Variants in SMCR8 observed in about 807,000 individuals in gnomAD.
SMCR8 encodes SMCR8-C9orf72 complex subunit, also known as guanine nucleotide exchange protein SMCR8.
In SMCR8, 30 loss-of-function variants were observed where a neutral mutation model predicts 56.6. The observed-to-expected ratio is 0.53, with a 90% CI of 0.40 to 0.72. The LOEUF is 0.72. Among genes scored for constraint, SMCR8 ranks in the 30% least tolerant of loss-of-function variants. The pLI is 0.00. For missense variants in SMCR8, 1,198 were observed against 1,157.0 expected (o/e 1.04, Z -0.51); for synonymous variants, 538 against 456.0 (o/e 1.18, Z -2.29).
At chr17:18,318,621 C>G (rs1982406621) in intron 1 of SMCR8, among the ~76,000 whole-genome samples, 1 of 152,162 alleles carries the variant, frequency 6.6e-6, no homozygotes, top group Non-Finnish European at 1.5e-5. Context: ...CCAGGCTGGT[C>G]TGGAACTCCT....
Position 18,327,575 on chromosome 17 carries a change from C to T in SMCR8, c.*4505C>T, listed in dbSNP as rs1982711588. On this transcript the variant is annotated 3_prime_UTR_variant, in exon 2 of 2. Transcript: ENST00000406438. ...AAGGTGGGACCACAGGCTGCCTCAC[C>T]GGGATTGTCTGCCACTAAATAGCTG... 3 of 152,342 alleles carry T rather than the reference C, an allele frequency of 2.0e-5. No individual in the cohort carries two copies. The highest frequency in any genetic ancestry group is 2.1e-4 in the South Asian group (1 of 4,832). The allele number at this position is 152,342 out of a possible 1,614,324, so 9.4% of individuals were successfully genotyped here. A position where few individuals can be genotyped will look rare whatever the true frequency, so the allele number is the denominator to read the frequency against.
Position 18,315,659 on chromosome 17 carries a change from C to T in SMCR8, c.-131C>T. ...GGTGTGTGAGAAGCAGCCTAGGACC[C>T]CGGGTTCGGGGAGTCGCAAAGAAGG... On this transcript the variant is annotated 5_prime_UTR_variant, in exon 1 of 2. Transcript: ENST00000406438. 2.4e-6 allele frequency: 2 copies of T among 843,884 alleles called. No homozygotes were observed. Among genetic ancestry groups the T allele is most frequent in the Admixed American group, 2.4e-5 (1 of 41,396 alleles). The allele number at this position is 843,884 out of a possible 1,614,324, so 52.3% of individuals were successfully genotyped here. A position where few individuals can be genotyped will look rare whatever the true frequency, so the allele number is the denominator to read the frequency against.
At chr17:18,319,705 T>A (rs928837676) in intron 1 of SMCR8, among the ~76,000 whole-genome samples, 1 of 152,090 alleles carries the variant, frequency 6.6e-6, no homozygotes, top group South Asian at 2.1e-4. Context: ...GCGGGTTTTT[T>A]TGTTTTGTGT....
rs1982627199 is a variant in SMCR8 at position 18,325,601 on chromosome 17, A to AC, written c.*2532dup. ...TATGTTTCCTTTCAAAGGGATCTTGACGTGGTACCAGGACTGAGTCATGAT... is the reference window on the plus strand; with the variant it reads ...TATGTTTCCTTTCAAAGGGATCTTGACCGTGGTACCAGGACTGAGTCATGAT... On this transcript the variant is annotated 3_prime_UTR_variant, in exon 2 of 2. Transcript: ENST00000406438. 6.6e-6 allele frequency: 1 copy of AC among 152,212 alleles called. No individual in the cohort carries two copies. The highest frequency in any genetic ancestry group is 1.5e-5 in the Non-Finnish European group (1 of 68,048). 9.4% of individuals were successfully genotyped at this position (152,212 alleles called of 1,614,324 possible). A position where few individuals can be genotyped will look rare whatever the true frequency, so the allele number is the denominator to read the frequency against.
Position 18,318,025 on chromosome 17 carries a change from C to T in SMCR8, c.2236C>T (p.Leu746Phe). The change falls in exon 1 of 2, where the codon CTC (leucine) becomes TTC (phenylalanine). Residue 746 changes from leucine (L) to phenylalanine (F), a missense_variant. Physicochemically the swap from Leu to Phe is conservative, Grantham distance 22 (BLOSUM62 0). Coordinates refer to ENST00000406438, the MANE Select transcript of SMCR8 (RefSeq NM_144775.3). ...GGAAGATGAGGCCATAGTCAGGAAA[C>T]TCGTGACTGCACTGGCTATCTTTGT... ...LGEDEAIVRK[L>F]VTALAIFVPS... The T allele has an allele frequency of 1.2e-6, 2 of 1,614,248 alleles. No individual in the cohort carries two copies. The highest frequency in any genetic ancestry group is 2.2e-5 in the South Asian group (2 of 91,086).
rs751428625 is a variant in SMCR8, at chr17:18,318,047, T to G, written c.2258T>G (p.Phe753Cys). Residue 753 changes from phenylalanine (F) to cysteine (C), a missense_variant, in exon 1 of 2, where the codon TTT becomes TGT. Physicochemically the swap from Phe to Cys is radical, Grantham distance 205. Transcript: ENST00000406438. ...VRKLVTALAI[F>C]VPSYGCYAKP... ...AAACTCGTGACTGCACTGGCTATCT[T>G]TGTCCCCAGCTATGGCTGCTACGCT... 7 of 1,614,132 alleles carry G rather than the reference T, an allele frequency of 4.3e-6. No individual in the cohort carries two copies. The highest frequency in any genetic ancestry group is 1.7e-6 in the Non-Finnish European group (2 of 1,180,062).
At position 18,316,879 on chromosome 17, in the gene SMCR8, C is replaced by T. The variant is rs1982317385; in HGVS notation, c.1090C>T (p.Gln364Ter). 3 of 1,614,112 alleles carry T rather than the reference C, an allele frequency of 1.9e-6. No individual in the cohort carries two copies. The highest frequency in any genetic ancestry group is 1.1e-5 in the South Asian group (1 of 91,096). ...TCAGATTGATAGAGCACTTCTAAAACAACAGCATATAACAAACTTTCTCTT... is the reference window on the plus strand; with the variant it reads ...TCAGATTGATAGAGCACTTCTAAAATAACAGCATATAACAAACTTTCTCTT... ...TSQIDRALLKQQHITNFLFED... is the reference protein window; with the variant it reads ...TSQIDRALLK The change falls in exon 1 of 2, where the codon CAA becomes TAA. Residue 364 changes from glutamine to a stop codon, truncating the protein, a stop_gained. Transcript: ENST00000406438. LOFTEE classifies it high-confidence loss of function.
Position 18,323,015 on chromosome 17 carries a change from C to T in SMCR8, c.2759C>T (p.Thr920Ile), listed in dbSNP as rs1321077262. 1.2e-6 allele frequency: 2 copies of T among 1,614,034 alleles called. No individual in the cohort carries two copies. Among genetic ancestry groups the T allele is most frequent in the African/African-American group, 2.7e-5 (2 of 74,918 alleles). ...CACTACATGCAGGAATCTCCAGGGACCAGCCACCCCATGCTCAGGTTTGAC... is the reference window on the plus strand; with the variant it reads ...CACTACATGCAGGAATCTCCAGGGATCAGCCACCCCATGCTCAGGTTTGAC... ...KLHYMQESPG[T>I]SHPMLRFDYV... The change falls in exon 2 of 2, where the codon ACC (threonine) becomes ATC (isoleucine). Residue 920 changes from threonine (T) to isoleucine (I), a missense_variant. By Grantham distance (89) the Thr-to-Ile change is moderately conservative. Coordinates refer to ENST00000406438, the MANE Select transcript of SMCR8 (RefSeq NM_144775.3).
In SMCR8 at chr17:18,315,450, GC is replaced by G. The variant is rs1396692969; in HGVS notation, c.-339del. On this transcript the variant is annotated 5_prime_UTR_variant, in exon 1 of 2. Coordinates refer to ENST00000406438, the MANE Select transcript of SMCR8 (RefSeq NM_144775.3). The stretch of plus-strand genomic sequence containing the variant: ...GCGTTAAGCCTTGTTCAGAGCGGGG[GC>G]TTTTGCTGTCGCAGTGGGTTCCGGA... The G allele has an allele frequency of 4.4e-6, 1 of 225,314 alleles. No individual in the cohort carries two copies. The highest frequency in any genetic ancestry group is 8.8e-6 in the Non-Finnish European group (1 of 113,136). 14.0% of individuals were successfully genotyped at this position (225,314 alleles called of 1,614,324 possible).
intron 1 of SMCR8, among the ~76,000 whole-genome samples, chr17:18,321,266 G>A (rs1982488511): frequency 6.6e-6 from 1 of 152,236 alleles, no homozygotes; most frequent in Non-Finnish European, 1.5e-5. Context: ...CTTCAGGAGG[G>A]TGTTTAAGGA....
rs1273822230 is a variant in SMCR8, at chr17:18,327,918, T to TA, written c.*4849dup. ...TATTTGAGTTCAAATATTTTTGAAATATAAAAATTGGTTGTATTTTTTAAA... is the reference window on the plus strand; with the variant it reads ...TATTTGAGTTCAAATATTTTTGAAATAATAAAAATTGGTTGTATTTTTTAAA... On this transcript the variant is annotated 3_prime_UTR_variant, in exon 2 of 2. Transcript: ENST00000406438. 6.6e-6 allele frequency: 1 copy of TA among 152,654 alleles called. No individual in the cohort carries two copies. Among genetic ancestry groups the TA allele is most frequent in the Non-Finnish European group, 1.5e-5 (1 of 68,042 alleles). The allele number at this position is 152,654 out of a possible 1,614,324, so 9.5% of individuals were successfully genotyped here.
rs751581106 is a variant in SMCR8 at position 18,316,274 on chromosome 17, A to G, written c.485A>G (p.Gln162Arg). The G allele has an allele frequency of 1.9e-6, 3 of 1,613,864 alleles. No individual in the cohort carries two copies. Among genetic ancestry groups the G allele is most frequent in the South Asian group, 1.1e-5 (1 of 91,084 alleles). Residue 162 changes from glutamine to arginine, a missense_variant, in exon 1 of 2, where the codon CAG becomes CGG. By Grantham distance (43) the Gln-to-Arg change is conservative. Coordinates refer to ENST00000406438, the MANE Select transcript of SMCR8 (RefSeq NM_144775.3). ...PFCMAYISAD[Q>R]HKIMQQFQEL... ...TGCATGGCTTATATCTCTGCAGACCAGCATAAAATCATGCAGCAGTTCCAG... is the reference window on the plus strand; with the variant it reads ...TGCATGGCTTATATCTCTGCAGACCGGCATAAAATCATGCAGCAGTTCCAG...
chr17:18,315,841 G>A lies in SMCR8; in HGVS notation c.52G>A (p.Glu18Lys), dbSNP rs781414587. ...CTTCACCAAAGAGGAAGAGTATGAAGAAGAGCCTTACAATGAGCCGGCCCT... is the reference window on the plus strand; with the variant it reads ...CTTCACCAAAGAGGAAGAGTATGAAAAAGAGCCTTACAATGAGCCGGCCCT... ...VAFTKEEEYE[E>K]EPYNEPALPE... The change falls in exon 1 of 2, where the codon GAA becomes AAA. Residue 18 changes from glutamate (E) to lysine (K), a missense_variant. Transcript: ENST00000406438. 1.2e-6 allele frequency: 2 copies of A among 1,612,598 alleles called. No homozygotes were observed. Among genetic ancestry groups the A allele is most frequent in the Non-Finnish European group, 1.7e-6 (2 of 1,178,746 alleles).
In SMCR8 at chr17:18,315,851, A is replaced by T. The variant is rs1463348649; in HGVS notation, c.62A>T (p.Tyr21Phe). ...GAGGAAGAGTATGAAGAAGAGCCTTACAATGAGCCGGCCCTGCCTGAGGAG... is the reference window on the plus strand; with the variant it reads ...GAGGAAGAGTATGAAGAAGAGCCTTTCAATGAGCCGGCCCTGCCTGAGGAG... ...TKEEEYEEEP[Y>F]NEPALPEEYS... Residue 21 changes from tyrosine (Y) to phenylalanine (F), a missense_variant, in exon 1 of 2, where the codon TAC becomes TTC. By Grantham distance (22) the Tyr-to-Phe change is conservative. Transcript: ENST00000406438. The T allele has an allele frequency of 6.2e-7, 1 of 1,613,670 alleles. No homozygotes were observed. The highest frequency in any genetic ancestry group is 8.5e-7 in the Non-Finnish European group (1 of 1,179,736).
In SMCR8 at chr17:18,315,761, C is replaced by T. The variant is rs1282890048; in HGVS notation, c.-29C>T. ...AACACCGCATTCTTTCCCACTTCCT[C>T]TCAATGTTTTCTTCATATATCTGGA... is the stretch of plus-strand genomic sequence containing the variant. On this transcript the variant is annotated 5_prime_UTR_variant, in exon 1 of 2. Coordinates refer to ENST00000406438, the MANE Select transcript of SMCR8 (RefSeq NM_144775.3). 5 of 1,547,632 alleles carry T rather than the reference C, an allele frequency of 3.2e-6. No homozygotes were observed. Among genetic ancestry groups the T allele is most frequent in the Non-Finnish European group, 4.4e-6 (5 of 1,145,032 alleles).
Position 18,322,597 on chromosome 17 carries a change from C to T in SMCR8, c.2361-20C>T, listed in dbSNP as rs776405182. 4.4e-6 allele frequency: 7 copies of T among 1,607,828 alleles called. No individual in the cohort carries two copies. In the South Asian group the frequency reaches 6.6e-5, roughly 15 times the overall value. ...TCCCGGCCCTTGCCCTTCCTCCTGA[C>T]CTTGGCCTGTCTGTTTCAGAGTGGC... On this transcript the variant is annotated intron_variant, in intron 1 of 1. Coordinates refer to ENST00000406438, the MANE Select transcript of SMCR8 (RefSeq NM_144775.3).
Position 18,317,835 on chromosome 17 carries a change from G to C in SMCR8, c.2046G>C (p.Ala682=), listed in dbSNP as rs527466079. 6 of 1,614,114 alleles carry C rather than the reference G, an allele frequency of 3.7e-6. No homozygotes were observed. The highest frequency in any genetic ancestry group is 5.1e-6 in the Non-Finnish European group (6 of 1,180,002). Residue 682 remains alanine (A), a synonymous_variant, in exon 1 of 2, where the codon GCG becomes GCC. Coordinates refer to ENST00000406438, the MANE Select transcript of SMCR8 (RefSeq NM_144775.3). The part of the protein sequence containing the change: ...SDTTSYVSSV[A]STSSDRIPSA... The stretch of plus-strand genomic sequence containing the variant: ...CCACCAGCTACGTGAGCAGTGTAGC[G>C]TCCACCAGCTCAGACAGGATCCCCT...
In SMCR8 at chr17:18,316,151, C is replaced by T; in HGVS notation, c.362C>T (p.Ser121Phe). The change falls in exon 1 of 2, where the codon TCC (serine) becomes TTC (phenylalanine). Residue 121 changes from serine (S) to phenylalanine (F), a missense_variant. Physicochemically the swap from Ser to Phe is radical, Grantham distance 155. Transcript: ENST00000406438. The part of the protein sequence containing the change: ...AYPKLNFVED[S>F]KVVLGDSKEG... ...CCCAAGCTGAACTTCGTGGAGGACTCCAAGGTGGTGCTGGGAGATTCTAAG... is the reference window on the plus strand; with the variant it reads ...CCCAAGCTGAACTTCGTGGAGGACTTCAAGGTGGTGCTGGGAGATTCTAAG... The T allele has an allele frequency of 6.2e-7, 1 of 1,614,182 alleles. No individual in the cohort carries two copies. Among genetic ancestry groups the T allele is most frequent in the Non-Finnish European group, 8.5e-7 (1 of 1,180,048 alleles).
intron 1 of SMCR8, among the ~76,000 whole-genome samples, chr17:18,322,246 C>G (rs1025165101): frequency 5.3e-5 from 8 of 152,158 alleles, no homozygotes; most frequent in Non-Finnish European, 1.5e-5. Context: ...CTCCTGACCT[C>G]ACGATGCGCC....
Sources: gnomAD v4.1 joint callset for allele counts (sites outside exome capture counted in the v4.1 genomes callset) on GRCh38, gnomAD v4.1.1 for gene constraint, MANE v1.5 for transcripts, NCBI Gene and HGNC (gene_info 2026-07-23, HGNC 2026-07-21) for gene names.